The following NHLRC2 variants were observed in gnomAD, a reference collection of about 807,000 sequenced individuals.
The protein encoded by NHLRC2 is NHL repeat-containing protein 2.
In NHLRC2, 33 loss-of-function variants were observed where a neutral mutation model predicts 68.1. That is an observed-to-expected ratio of 0.48 (90% confidence interval 0.37 to 0.65). NHLRC2 has a LOEUF of 0.65. Ranked by LOEUF, NHLRC2 falls within the 30% of genes least tolerant of loss-of-function variation. NHLRC2 has a pLI of 0.00. For synonymous variants in NHLRC2, 311 were observed against 309.6 expected, an observed-to-expected ratio of 1.00 and a Z score of -0.05; for missense variants, 761 against 853.8, an observed-to-expected ratio of 0.89 and a Z score of 1.35.
chr10:113,894,659 G>T (rs1178995720), intron 5 of NHLRC2, among the ~76,000 whole-genome samples: 1 of 151,862 alleles, frequency 6.6e-6, no homozygotes, highest in African/African-American at 2.4e-5. Context: ...TATTCTCGGG[G>T]ATGTTTGTAG....
At chr10:113,888,187 G>A (rs1846099257) in intron 5 of NHLRC2, among the ~76,000 whole-genome samples, 1 of 152,208 alleles carries the variant, frequency 6.6e-6, no homozygotes, top group African/African-American at 2.4e-5. Flanking sequence ...AAGGGAAGAG[G>A]TTGATCAAAG....
At position 113,915,191 on chromosome 10, in the gene NHLRC2, G is replaced by A; in HGVS notation, c.*6655G>A. Reference sequence around the variant, plus strand: ...CATGTCGCTTTCAAGTGTACCAAAGGACATTTTGTTCTGTTGAAAGCCACA... The same window carrying A: ...CATGTCGCTTTCAAGTGTACCAAAGAACATTTTGTTCTGTTGAAAGCCACA... On this transcript the variant is annotated 3_prime_UTR_variant, in exon 11 of 11. Transcript: ENST00000369301. The A allele has an allele frequency of 2.2e-6, 1 of 456,276 alleles. No homozygotes were observed. The highest frequency in any genetic ancestry group is 4.4e-6 in the Non-Finnish European group (1 of 226,966). The allele number at this position is 456,276 out of a possible 1,614,324, so 28.3% of individuals were successfully genotyped here. A position where few individuals can be genotyped will look rare whatever the true frequency, so the allele number is the denominator to read the frequency against.
In NHLRC2 at chr10:113,903,618, C is replaced by T. The variant is rs200906101; in HGVS notation, c.1586C>T (p.Ser529Leu). ...GTTACCAGTTCCAGTTTTACAGAGT[C>T]AACTTTTAATGAACCAGGAGGCTTG... ...NNVTSSSFTE[S>L]TFNEPGGLCI... is the part of the protein sequence containing the mutation. Residue 529 changes from serine (S) to leucine (L), a missense_variant, in exon 9 of 11, where the codon TCA (serine) becomes TTA (leucine). By Grantham distance (145) the Ser-to-Leu change is moderately radical. Coordinates refer to ENST00000369301, the MANE Select transcript of NHLRC2 (RefSeq NM_198514.4). 1 of 1,609,640 alleles carries T rather than the reference C, an allele frequency of 6.2e-7. No individual in the cohort carries two copies. The highest frequency in any genetic ancestry group is 8.5e-7 in the Non-Finnish European group (1 of 1,176,168).
chr10:113,868,851 A>G (rs1340192547), intron 2 of NHLRC2, among the ~76,000 whole-genome samples: 1 of 152,240 alleles, frequency 6.6e-6, no homozygotes, highest in Non-Finnish European at 1.5e-5. Flanking sequence ...GTAGGTGAGA[A>G]CAGATGAGAA....
rs374621926 is a variant in NHLRC2 at position 113,864,634 on chromosome 10, T to G, written c.331+5954T>G. Among the ~76,000 whole-genome samples, 349 of 151,126 alleles carry G rather than the reference T, an allele frequency of 2.3e-3. 1 individual carries two copies. The highest frequency in any genetic ancestry group is 7.7e-3 in the African/African-American group (319 of 41,162). On this transcript the variant is annotated intron_variant, in intron 2 of 10. Coordinates refer to ENST00000369301, the MANE Select transcript of NHLRC2 (RefSeq NM_198514.4). The stretch of plus-strand genomic sequence containing the variant: ...ATCGCTTGAACCCACGAGGCAGAGA[T>G]TGCAGTGAGCTGAGATTGCGCCACT...
intron 5 of NHLRC2, among the ~76,000 whole-genome samples, chr10:113,889,743 A>G (rs1330757950): frequency 2.6e-5 from 4 of 152,122 alleles, no homozygotes; most frequent in Non-Finnish European, 5.9e-5. Flanking sequence ...CGCCATCACC[A>G]CACTCACTGC....
intron 5 of NHLRC2, among the ~76,000 whole-genome samples, chr10:113,886,158 A>G (rs1846081019): frequency 6.6e-6 from 1 of 152,146 alleles, no homozygotes; most frequent in Non-Finnish European, 1.5e-5. Flanking sequence ...AAAAAAGTAA[A>G]TATTTAAGAG....
At chr10:113,899,425 A>T (rs1454749389) in intron 6 of NHLRC2, among the ~76,000 whole-genome samples, 1 of 152,216 alleles carries the variant, frequency 6.6e-6, no homozygotes, top group Admixed American at 6.5e-5. Flanking sequence ...ATGTTTGTGC[A>T]TGTTGCTTTG....
intron 3 of NHLRC2, among the ~76,000 whole-genome samples, chr10:113,878,363 C>G (rs374861045): frequency 8.5e-5 from 13 of 152,058 alleles, no homozygotes; most frequent in African/African-American, 2.7e-4. Context: ...TGGCATTATT[C>G]AAAACATTTT....
At chr10:113,889,102 C>T (rs947867678) in intron 5 of NHLRC2, among the ~76,000 whole-genome samples, 9 of 152,134 alleles carry the variant, frequency 5.9e-5, no homozygotes, top group African/African-American at 2.2e-4. Context: ...GCTGGGATTA[C>T]AGGTATGAGC....
Position 113,874,221 on chromosome 10 carries a change from A to C in NHLRC2, c.332-2300A>C, listed in dbSNP as rs560021641. On this transcript the variant is annotated intron_variant, in intron 2 of 10. Coordinates refer to ENST00000369301, the MANE Select transcript of NHLRC2 (RefSeq NM_198514.4). ...TACTCTACACTAGGTACTATGCTAA[A>C]TGCCTTACACAGATTATCTCTTTTA... 2.0e-5 allele frequency among the ~76,000 whole-genome samples: 3 copies of C among 152,326 alleles called. No homozygotes were observed. In the East Asian group the frequency reaches 5.8e-4, roughly 29 times the overall value.
rs185966297 is a variant in NHLRC2 at position 113,893,037 on chromosome 10, C to G, written c.1040-5073C>G. Among the ~76,000 whole-genome samples, 17 of 152,232 alleles carry G rather than the reference C, an allele frequency of 1.1e-4. No individual in the cohort carries two copies. In the East Asian group the frequency reaches 2.7e-3, roughly 24 times the overall value. ...AGTGTCATGAACAGATGCTGATGAT[C>G]TGAACCAAACCAAAAATGGGAAGGC... On this transcript the variant is annotated intron_variant, in intron 5 of 10. Transcript: ENST00000369301.
rs1299334782 is a variant in NHLRC2 at position 113,917,125 on chromosome 10, A to T, written c.*8589A>T. ...GAATGTGTTTATACTGTATATGGAA[A>T]CCTAATGCCTCTTTTCTAAAGCTTT... is the stretch of plus-strand genomic sequence containing the variant. On this transcript the variant is annotated 3_prime_UTR_variant, in exon 11 of 11. Coordinates refer to ENST00000369301, the MANE Select transcript of NHLRC2 (RefSeq NM_198514.4). 1 of 152,072 alleles carries T rather than the reference A, an allele frequency of 6.6e-6. No homozygotes were observed. The highest frequency in any genetic ancestry group is 1.9e-4 in the East Asian group (1 of 5,196). The allele number at this position is 152,072 out of a possible 1,614,324, so 9.4% of individuals were successfully genotyped here.
chr10:113,867,714 T>C (rs1468001112), intron 2 of NHLRC2, among the ~76,000 whole-genome samples: 1 of 152,238 alleles, frequency 6.6e-6, no homozygotes, highest in Non-Finnish European at 1.5e-5. Flanking sequence ...GTCTTCTGGA[T>C]CTCAGAATGT....
rs1022713851 is a variant in NHLRC2, at chr10:113,910,404, T to C, written c.*1868T>C. ...TTTTAGTAGAGACAGGGTTTCACCA[T>C]GTCAGTCAGGCTGGTCCCAAACTCC... On this transcript the variant is annotated 3_prime_UTR_variant, in exon 11 of 11. Transcript: ENST00000369301. The C allele has an allele frequency of 3.3e-5, 5 of 152,230 alleles. No homozygotes were observed. The highest frequency in any genetic ancestry group is 9.6e-5 in the African/African-American group (4 of 41,454). The allele number at this position is 152,230 out of a possible 1,614,324, so 9.4% of individuals were successfully genotyped here. A position where few individuals can be genotyped will look rare whatever the true frequency, so the allele number is the denominator to read the frequency against.
At chr10:113,872,354 G>A (rs1336789439) in intron 2 of NHLRC2, among the ~76,000 whole-genome samples, 1 of 152,024 alleles carries the variant, frequency 6.6e-6, no homozygotes, top group Non-Finnish European at 1.5e-5. Flanking sequence ...TCAGAAGAGG[G>A]CACTCTCAAA....
In NHLRC2 at chr10:113,902,524, A is replaced by G. The variant is rs1191644787; in HGVS notation, c.1425A>G (p.Gln475=). 5.0e-6 allele frequency: 8 copies of G among 1,605,948 alleles called. No individual in the cohort carries two copies. The highest frequency in any genetic ancestry group is 1.7e-5 in the Admixed American group (1 of 58,952). Residue 475 remains glutamine, a synonymous_variant, in exon 8 of 11, where the codon CAA becomes CAG. Transcript: ENST00000369301. ...GAGTAGGAATCAATGCAAAGCTTCA[A>G]CACCCCCTTGGAGTAACATGGGACA... The part of the protein sequence containing the change: ...VDGVGINAKL[Q]HPLGVTWDKK...
At chr10:113,865,583 T>C (rs1184287387) in intron 2 of NHLRC2, among the ~76,000 whole-genome samples, 2 of 150,812 alleles carry the variant, frequency 1.3e-5, no homozygotes, top group Non-Finnish European at 3.0e-5. Context: ...TTTTTTTTTT[T>C]AATATAACTT....
chr10:113,903,816 T>G, intron 9 of NHLRC2, 80 bp downstream of exon 9: 1 of 848,780 alleles, frequency 1.2e-6, no homozygotes, highest in Non-Finnish European at 2.0e-6. Flanking sequence ...ACAGAGGCAT[T>G]TTTGGTTAGA....
Sources: gnomAD v4.1 joint callset for allele counts (sites outside exome capture counted in the v4.1 genomes callset) on GRCh38, gnomAD v4.1.1 for gene constraint, MANE v1.5 for transcripts, NCBI Gene and HGNC (gene_info 2026-07-23, HGNC 2026-07-21) for gene names.